IARS2: variants seen among roughly 807,000 people sequenced by gnomAD.
IARS2 encodes the protein isoleucine--tRNA ligase, mitochondrial.
IARS2 carries 56 observed loss-of-function variants against 126.3 expected under a neutral mutation model. The ratio of observed to expected loss-of-function variants is 0.44; its 90% confidence interval spans 0.36 to 0.55. IARS2 has a LOEUF of 0.55. Among genes scored for constraint, IARS2 ranks in the 20% least tolerant of loss-of-function variants. The pLI, the probability that IARS2 is intolerant of heterozygous loss-of-function variation, is 0.00. For missense variants in IARS2, 1,127 were observed against 1,245.9 expected (o/e 0.90, Z 1.44); for synonymous variants, 407 against 441.1 (o/e 0.92, Z 0.97).
rs1210009137 is a variant in IARS2 at position 220,102,280 on chromosome 1, AAAG to A, written c.699+7_699+9del. On this transcript the variant is annotated splice_donor_5th_base_variant and intron_variant, in intron 4 of 22. Coordinates refer to ENST00000366922, the MANE Select transcript of IARS2 (RefSeq NM_018060.4). ...CTTTTTACCAAATGTATGATAAGGT[AAAG>A]AAGTATTTTTTCTCTTTGAGTAGGT... is the stretch of plus-strand genomic sequence containing the variant. 6.2e-7 allele frequency: 1 copy of A among 1,605,226 alleles called. No homozygotes were observed. Among genetic ancestry groups the A allele is most frequent in the African/African-American group, 1.3e-5 (1 of 74,162 alleles).
In IARS2 at chr1:220,142,931, T is replaced by C. The variant is rs1207636469; in HGVS notation, c.2561-13T>C. 1.9e-6 allele frequency: 3 copies of C among 1,573,038 alleles called. No homozygotes were observed. Among genetic ancestry groups the C allele is most frequent in the Admixed American group, 3.5e-5 (2 of 57,058 alleles). Reference sequence around the variant, plus strand: ...TGTTTGTAAAGCAGTTTACTATTTTTGTTCTTCTGAAGAGCCCAAGAGTGT... The same window carrying C: ...TGTTTGTAAAGCAGTTTACTATTTTCGTTCTTCTGAAGAGCCCAAGAGTGT... On this transcript the variant is annotated splice_polypyrimidine_tract_variant and intron_variant, in intron 20 of 22. Coordinates refer to ENST00000366922, the MANE Select transcript of IARS2 (RefSeq NM_018060.4).
intron 2 of IARS2, among the ~76,000 whole-genome samples, chr1:220,098,420 C>T (rs1656493901): frequency 6.6e-6 from 1 of 152,154 alleles, no homozygotes; most frequent in African/African-American, 2.4e-5. Flanking sequence ...TCTTACCAGG[C>T]TCTCTTGACT....
chr1:220,144,402 G>A (rs938383672), intron 21 of IARS2: 7 of 562,716 alleles, frequency 1.2e-5, no homozygotes, highest in Admixed American at 3.3e-5. Flanking sequence ...AGTTTTATTA[G>A]TGTCAGTTTT....
At chr1:220,131,334 A>G (rs1376409859) in intron 14 of IARS2, among the ~76,000 whole-genome samples, 1 of 150,984 alleles carries the variant, frequency 6.6e-6, no homozygotes, top group Admixed American at 6.6e-5. Context: ...GTGCCACCAC[A>G]CTCGGTTAAT....
In IARS2 at chr1:220,140,268, A is replaced by G; in HGVS notation, c.2393A>G (p.Tyr798Cys). Residue 798 changes from tyrosine to cysteine, a missense_variant, in exon 19 of 23, where the codon TAT (tyrosine) becomes TGT (cysteine). Tyr to Cys is a radical substitution (Grantham distance 194). Coordinates refer to ENST00000366922, the MANE Select transcript of IARS2 (RefSeq NM_018060.4). The part of the protein sequence containing the change: ...TFYTRELSNF[Y>C]FSIIKDRLYC... ...TATACCAGAGAGCTCTCTAACTTTT[A>G]TTTCAGTATAATCAAAGATAGGTAT... 6.2e-7 allele frequency: 1 copy of G among 1,600,572 alleles called. No homozygotes were observed. Among genetic ancestry groups the G allele is most frequent in the Non-Finnish European group, 8.6e-7 (1 of 1,167,918 alleles).
At chr1:220,105,817 A>G (rs1046940346) in intron 8 of IARS2, 74 bp from the exon 9 acceptor site, 7 of 1,254,060 alleles carry the variant, frequency 5.6e-6, no homozygotes, top group African/African-American at 1.5e-5. Flanking sequence ...TTAACCTGAT[A>G]CTCTATTGCT....
In IARS2 at chr1:220,102,274, T is replaced by C; in HGVS notation, c.696T>C (p.Asp232=). 1.2e-6 allele frequency: 2 copies of C among 1,607,140 alleles called. No homozygotes were observed. Among genetic ancestry groups the C allele is most frequent in the African/African-American group, 2.7e-5 (2 of 74,402 alleles). The change falls in exon 4 of 23, where the codon GAT becomes GAC. Residue 232 remains aspartate (D), a synonymous_variant. Coordinates refer to ENST00000366922, the MANE Select transcript of IARS2 (RefSeq NM_018060.4). ...KQLRTFYQMY[D]KGLVYRSYKP... ...TGAGAACTTTTTACCAAATGTATGATAAGGTAAAGAAGTATTTTTTCTCTT... is the reference window on the plus strand; with the variant it reads ...TGAGAACTTTTTACCAAATGTATGACAAGGTAAAGAAGTATTTTTTCTCTT...
At chr1:220,105,863 T>G in intron 8 of IARS2, 28 bp from the exon 9 acceptor site, 1 of 1,600,236 alleles carries the variant, frequency 6.2e-7, no homozygotes, top group East Asian at 2.2e-5. Flanking sequence ...ATAAAATGAT[T>G]CTTAATAGTG....
chr1:220,133,008 TTTC>T (rs1260247958), intron 14 of IARS2, among the ~76,000 whole-genome samples: 1 of 151,502 alleles, frequency 6.6e-6, no homozygotes, highest in Non-Finnish European at 1.5e-5. Flanking sequence ...ATCACAGTTA[TTTC>T]TTTTCTTTTT....
chr1:220,101,982 G>C (rs1367137821), intron 3 of IARS2, 147 bp from the exon 4 acceptor site: 2 of 686,886 alleles, frequency 2.9e-6, no homozygotes, highest in Non-Finnish European at 4.9e-6. Context: ...CTGCACTCTA[G>C]CCTGGGTGAC....
intron 11 of IARS2, among the ~76,000 whole-genome samples, chr1:220,111,594 ATATATGTGTGTGTG>A: frequency 7.2e-6 from 1 of 139,690 alleles, no homozygotes; most frequent in East Asian, 2.2e-4. Flanking sequence ...ATATATATAT[ATATATGTGTGTGTG>A]TGTGTGTGTG....
intron 14 of IARS2, 140 bp downstream of exon 14, chr1:220,126,983 C>CT (rs1657168397): frequency 1.7e-6 from 1 of 573,764 alleles, no homozygotes; most frequent in South Asian, 2.6e-5. Flanking sequence ...TCGAAAGACC[C>CT]TTAGAGTTTA....
Position 220,109,062 on chromosome 1 carries a change from G to A in IARS2, c.1328-1724G>A, listed in dbSNP as rs78075275. On this transcript the variant is annotated intron_variant, in intron 10 of 22. Coordinates refer to ENST00000366922, the MANE Select transcript of IARS2 (RefSeq NM_018060.4). ...TGACAGACTTTACAGAAACCTTATCGGAAAGTGGGGATTGGGTAGGGAAAG... is the reference window on the plus strand; with the variant it reads ...TGACAGACTTTACAGAAACCTTATCAGAAAGTGGGGATTGGGTAGGGAAAG... 3.8e-3 allele frequency among the ~76,000 whole-genome samples: 574 copies of A among 152,020 alleles called. 3 individuals are homozygous for A. Among genetic ancestry groups the A allele is most frequent in the African/African-American group, 8.2e-3 (339 of 41,484 alleles).
chr1:220,122,704 C>T (rs759293838), intron 12 of IARS2, among the ~76,000 whole-genome samples: 4 of 152,060 alleles, frequency 2.6e-5, no homozygotes, highest in Non-Finnish European at 5.9e-5. Flanking sequence ...ATGTGGTGTA[C>T]GTATATACAT....
intron 12 of IARS2, among the ~76,000 whole-genome samples, chr1:220,119,150 T>G (rs1184508732): frequency 1.3e-5 from 2 of 151,696 alleles, no homozygotes; most frequent in African/African-American, 4.8e-5. Flanking sequence ...TAAATAAGCC[T>G]CATTCCGGTT....
chr1:220,113,912 A>T (rs1195768552), intron 11 of IARS2, among the ~76,000 whole-genome samples: 1 of 152,224 alleles, frequency 6.6e-6, no homozygotes, highest in Non-Finnish European at 1.5e-5. Flanking sequence ...TTTTTTAAGC[A>T]TTTTAAAAAA....
At chr1:220,116,947 C>T (rs1656924183) in intron 12 of IARS2, among the ~76,000 whole-genome samples, 1 of 151,708 alleles carries the variant, frequency 6.6e-6, no homozygotes, top group African/African-American at 2.4e-5. Context: ...GCTCTTGCCA[C>T]GTTGACGAGG....
intron 12 of IARS2, among the ~76,000 whole-genome samples, chr1:220,115,806 C>G (rs1656900907): frequency 6.6e-6 from 1 of 152,074 alleles, no homozygotes; most frequent in South Asian, 2.1e-4. Context: ...TCTGGCTCCT[C>G]TATAAAATAG....
intron 8 of IARS2, among the ~76,000 whole-genome samples, chr1:220,104,352 A>G (rs1457057332): frequency 1.3e-5 from 2 of 152,164 alleles, no homozygotes; most frequent in East Asian, 1.9e-4. Flanking sequence ...ATGGAAGTCT[A>G]GGGAAGTTTA....
Sources: allele counts gnomAD v4.1 joint callset (sites outside exome capture counted in the v4.1 genomes callset), GRCh38; gene constraint gnomAD v4.1.1; transcripts MANE v1.5; gene names NCBI Gene and HGNC (gene_info 2026-07-23, HGNC 2026-07-21).